CADM2: variants seen among roughly 807,000 people sequenced by gnomAD.
The protein encoded by CADM2 is cell adhesion molecule 2, also known as immunoglobulin superfamily member 4D.
In CADM2, 12 loss-of-function variants were observed where a neutral mutation model predicts 49.8. That is an observed-to-expected ratio of 0.24 (90% CI 0.15 to 0.39). The LOEUF (loss-of-function observed/expected upper bound fraction) is 0.39. Ranked by LOEUF, CADM2 falls within the 10% of genes least tolerant of loss-of-function variation. CADM2 has a pLI of 1.00. For synonymous variants in CADM2, 214 were observed against 175.4 expected (o/e 1.22, Z -1.74); for missense variants, 378 against 492.3 (o/e 0.77, Z 2.20).
At chr3:85,716,236 T>C (rs954999549) in intron 1 of CADM2, among the ~76,000 whole-genome samples, 2 of 152,222 alleles carry the variant, frequency 1.3e-5, no homozygotes, top group African/African-American at 4.8e-5. Flanking sequence ...TGGTTTTGAT[T>C]TGCATTTCTC....
intron 1 of CADM2, among the ~76,000 whole-genome samples, chr3:85,368,843 G>A (rs9839433): frequency 1 from 151,983 of 152,220 alleles, 75,874 homozygotes; most frequent in Middle Eastern, 1. Context: ...ATTGTACCCT[G>A]TTCTGTCTCA....
chr3:85,585,418 C>T (rs1379899753), intron 1 of CADM2, among the ~76,000 whole-genome samples: 1 of 151,292 alleles, frequency 6.6e-6, no homozygotes, highest in Non-Finnish European at 1.5e-5. Flanking sequence ...ATATATATAT[C>T]TTGTATGATG....
intron 1 of CADM2, among the ~76,000 whole-genome samples, chr3:85,290,133 C>A (rs149810528): frequency 6.6e-6 from 1 of 152,064 alleles, no homozygotes; most frequent in Non-Finnish European, 1.5e-5. Flanking sequence ...ACTTGGGAAG[C>A]GCAAGGGGTC....
intron 1 of CADM2, among the ~76,000 whole-genome samples, chr3:85,573,100 A>G (rs1240507455): frequency 6.6e-6 from 1 of 152,108 alleles, no homozygotes; most frequent in Non-Finnish European, 1.5e-5. Context: ...TTCGACAAAA[A>G]TAGCTTATTT....
intron 3 of CADM2, among the ~76,000 whole-genome samples, chr3:85,871,507 A>G (rs55971481): frequency 0.32 from 48,681 of 151,980 alleles, 8,996 homozygotes; most frequent in East Asian, 0.42. Flanking sequence ...CTGTGCTCAG[A>G]TATATATTAT....
chr3:85,407,365 C>G (rs2035433719), intron 1 of CADM2, among the ~76,000 whole-genome samples: 1 of 152,102 alleles, frequency 6.6e-6, no homozygotes, highest in African/African-American at 2.4e-5. Context: ...TCTTCATTGC[C>G]CATACCCTAT....
chr3:84,962,050 C>T (rs556046218), intron 1 of CADM2, among the ~76,000 whole-genome samples: 1 of 152,032 alleles, frequency 6.6e-6, no homozygotes, highest in South Asian at 2.1e-4. Context: ...CTTTTCACAG[C>T]AGACTGGGGA....
chr3:85,049,652 T>C (rs1453362552), intron 1 of CADM2, among the ~76,000 whole-genome samples: 1 of 152,074 alleles, frequency 6.6e-6, no homozygotes, highest in Non-Finnish European at 1.5e-5. Flanking sequence ...GCCTGGCAAA[T>C]ATTTTTCTTT....
At position 85,024,039 on chromosome 3, in the gene CADM2, A is replaced by T. The variant is rs148831374; in HGVS notation, c.61+64371A>T. Among the ~76,000 whole-genome samples the T allele has an allele frequency of 2.8e-3, 430 of 152,260 alleles. 5 individuals carry two copies. Among genetic ancestry groups the T allele is most frequent in the African/African-American group, 0.01 (421 of 41,590 alleles). On this transcript the variant is annotated intron_variant, in intron 1 of 9. Transcript: ENST00000383699. ...TATTGTGGGGGCTAAATTTAAAGATACCAAACATATATATTTGCTTTCCCC... is the reference window on the plus strand; with the variant it reads ...TATTGTGGGGGCTAAATTTAAAGATTCCAAACATATATATTTGCTTTCCCC...
At chr3:85,441,008 T>G (rs1007061708) in intron 1 of CADM2, among the ~76,000 whole-genome samples, 1 of 152,104 alleles carries the variant, frequency 6.6e-6, no homozygotes, top group Non-Finnish European at 1.5e-5. Flanking sequence ...TATATCTTTA[T>G]AGGATCTTTA....
intron 7 of CADM2, among the ~76,000 whole-genome samples, chr3:85,946,139 A>G (rs1722658956): frequency 1.3e-5 from 2 of 152,066 alleles, no homozygotes; most frequent in African/African-American, 2.4e-5. Context: ...CCAATAACAG[A>G]CAAACAGAGA....
intron 5 of CADM2, among the ~76,000 whole-genome samples, chr3:85,908,248 TTTC>T (rs1284886556): frequency 1.1e-5 from 1 of 93,128 alleles, no homozygotes; most frequent in Non-Finnish European, 2.2e-5. Context: ...GGCTTTTTTT[TTTC>T]TTCTTTTTTT....
intron 1 of CADM2, among the ~76,000 whole-genome samples, chr3:85,154,613 G>T (rs552941622): frequency 6.6e-6 from 1 of 151,520 alleles, no homozygotes; most frequent in Non-Finnish European, 1.5e-5. Flanking sequence ...TCCTCGAGAA[G>T]AGCAACTCCA....
At chr3:85,173,660 T>TA (rs1212645094) in intron 1 of CADM2, among the ~76,000 whole-genome samples, 1 of 152,152 alleles carries the variant, frequency 6.6e-6, no homozygotes, top group Non-Finnish European at 1.5e-5. Flanking sequence ...ACCTTTATTT[T>TA]ATTTAAAGAA....
At chr3:85,136,806 T>A (rs149286677) in intron 1 of CADM2, among the ~76,000 whole-genome samples, 1 of 151,996 alleles carries the variant, frequency 6.6e-6, no homozygotes, top group Non-Finnish European at 1.5e-5. Flanking sequence ...CACTCTATTT[T>A]AAGTACAACT....
chr3:85,060,203 T>G (rs1229099398), intron 1 of CADM2, among the ~76,000 whole-genome samples: 1 of 152,194 alleles, frequency 6.6e-6, no homozygotes, highest in East Asian at 1.9e-4. Flanking sequence ...CGATTTTGGC[T>G]CACTGCAACC....
rs2061572342 is a variant in CADM2 at position 85,542,473 on chromosome 3, A to T, written c.62-184049A>T. Among the ~76,000 whole-genome samples the T allele has an allele frequency of 5.3e-5, 8 of 152,322 alleles. No homozygotes were observed. In the South Asian group the frequency reaches 1.7e-3, roughly 32 times the overall value. ...CTATCACCTTTTCATCTCATAAGAT[A>T]ACTTGCATATTATATTTACCAGGCT... On this transcript the variant is annotated intron_variant, in intron 1 of 9. Transcript: ENST00000383699.
chr3:85,680,230 A>T (rs2066000877), intron 1 of CADM2, among the ~76,000 whole-genome samples: 1 of 152,106 alleles, frequency 6.6e-6, no homozygotes, highest in South Asian at 2.1e-4. Context: ...AAAATTTTTC[A>T]CACTTCTAAG....
At chr3:85,598,221 G>A (rs2063299335) in intron 1 of CADM2, among the ~76,000 whole-genome samples, 1 of 151,958 alleles carries the variant, frequency 6.6e-6, no homozygotes, top group Admixed American at 6.6e-5. Context: ...TTACAAAAAA[G>A]CATCTAAACT....
Sources: allele counts gnomAD v4.1 joint callset (sites outside exome capture counted in the v4.1 genomes callset), GRCh38; gene constraint gnomAD v4.1.1; transcripts MANE v1.5; gene names NCBI Gene and HGNC (gene_info 2026-07-23, HGNC 2026-07-21).